Variants in GABPA observed in about 807,000 individuals in gnomAD.
The protein encoded by GABPA is GA-binding protein alpha chain.
GABPA carries 4 observed loss-of-function variants against 59.4 expected under a neutral mutation model. The observed-to-expected ratio is 0.07, with a 90% CI of 0.03 to 0.15. GABPA has a LOEUF of 0.15. Ranked by LOEUF, GABPA falls within the 10% of genes least tolerant of loss-of-function variation. GABPA has a pLI of 1.00. For synonymous variants in GABPA, 164 were observed against 183.1 expected, an observed-to-expected ratio of 0.90 and a Z score of 0.84; for missense variants, 251 against 543.8, an observed-to-expected ratio of 0.46 and a Z score of 5.36.
chr21:25,763,399 G>A (rs2035811798), intron 7 of GABPA: 1 of 209,564 alleles, frequency 4.8e-6, no homozygotes, highest in East Asian at 1.5e-4. Flanking sequence ...TTTTAATGAG[G>A]AATTTGAGAT....
intron 7 of GABPA, 35 bp downstream of exon 7, chr21:25,762,400 A>T: frequency 7.0e-7 from 1 of 1,421,504 alleles, no homozygotes; most frequent in Non-Finnish European, 9.6e-7. Context: ...CCTTTTATTA[A>T]TAAGAAATGT....
intron 5 of GABPA, among the ~76,000 whole-genome samples, chr21:25,756,248 G>T (rs1029623252): frequency 2.0e-5 from 3 of 152,078 alleles, no homozygotes; most frequent in African/African-American, 4.8e-5. Flanking sequence ...TTTAAAAGAG[G>T]TGTGTTTCAG....
rs71649677 is a variant in GABPA at position 25,745,918 on chromosome 21, T to G, written c.222+564T>G. ...TATGTTTTAAAGATAGGTAGTACTT[T>G]TATGTATGAAAGGTAGCAGCCTAAA... On this transcript the variant is annotated intron_variant, in intron 3 of 9. Transcript: ENST00000400075. 2.1e-3 allele frequency among the ~76,000 whole-genome samples: 317 copies of G among 152,364 alleles called. 6 individuals carry two copies. The East Asian group carries it at 0.052, about 25-fold the overall frequency.
At chr21:25,760,343 A>G (rs2035735060) in intron 6 of GABPA, among the ~76,000 whole-genome samples, 1 of 152,172 alleles carries the variant, frequency 6.6e-6, no homozygotes. Context: ...TGTAGAGAGA[A>G]GTCTGCAGCC....
chr21:25,771,920 A>C lies in GABPA; in HGVS notation c.*2688A>C, dbSNP rs1601165809. On this transcript the variant is annotated 3_prime_UTR_variant, in exon 10 of 10. Coordinates refer to ENST00000400075, the MANE Select transcript of GABPA (RefSeq NM_002040.4). ...GGTTGATCTTCAGATAAATTGACTG[A>C]TCACAGTTATTTTTGTATCAGTCTA... The C allele has an allele frequency of 6.6e-6, 1 of 152,182 alleles. No individual in the cohort carries two copies. The highest frequency in any genetic ancestry group is 1.9e-4 in the East Asian group (1 of 5,188). 9.4% of individuals were successfully genotyped at this position (152,182 alleles called of 1,614,324 possible).
At chr21:25,750,246 T>TA in intron 4 of GABPA, among the ~76,000 whole-genome samples, 1 of 152,174 alleles carries the variant, frequency 6.6e-6, no homozygotes, top group East Asian at 1.9e-4. Flanking sequence ...CAGGCGGTAA[T>TA]GTGAGTGAAA....
intron 3 of GABPA, among the ~76,000 whole-genome samples, chr21:25,747,804 C>T (rs931708007): frequency 6.6e-6 from 1 of 152,112 alleles, no homozygotes; most frequent in African/African-American, 2.4e-5. Flanking sequence ...CAGTGTCCAC[C>T]AGACAAGGAG....
In GABPA at chr21:25,756,104, G is replaced by A. The variant is rs551441195; in HGVS notation, c.554-1906G>A. ...TTTACTAGAGTCTTAGAGAAAGGAGGCAGAACATGGGTGGACAATTAGTTA... is the reference window on the plus strand; with the variant it reads ...TTTACTAGAGTCTTAGAGAAAGGAGACAGAACATGGGTGGACAATTAGTTA... On this transcript the variant is annotated intron_variant, in intron 5 of 9. Transcript: ENST00000400075. Among the ~76,000 whole-genome samples the A allele has an allele frequency of 1.1e-4, 16 of 152,308 alleles. No individual in the cohort carries two copies. In the East Asian group the frequency reaches 3.1e-3, roughly 29 times the overall value.
In GABPA at chr21:25,772,309, T is replaced by C. The variant is rs192499722; in HGVS notation, c.*3077T>C. The C allele has an allele frequency of 1.4e-4, 22 of 152,280 alleles. No individual in the cohort carries two copies. Among genetic ancestry groups the C allele is most frequent in the Admixed American group, 1.0e-3 (16 of 15,308 alleles). The allele number at this position is 152,280 out of a possible 1,614,324, so 9.4% of individuals were successfully genotyped here. A position where few individuals can be genotyped will look rare whatever the true frequency, so the allele number is the denominator to read the frequency against. ...CTTTAAATAACGACAACGACACTTA[T>C]ACTGTCATAATAACAATTATGTATT... On this transcript the variant is annotated 3_prime_UTR_variant, in exon 10 of 10. Coordinates refer to ENST00000400075, the MANE Select transcript of GABPA (RefSeq NM_002040.4).
chr21:25,764,526 G>T (rs2035843397), intron 8 of GABPA, 69 bp from the exon 9 acceptor site: 1 of 1,495,640 alleles, frequency 6.7e-7, no homozygotes, highest in Admixed American at 2.0e-5. Flanking sequence ...CACGGGACCA[G>T]TTTGTTGTCT....
chr21:25,764,473 C>T, intron 8 of GABPA, 122 bp from the exon 9 acceptor site: 1 of 1,428,562 alleles, frequency 7.0e-7, no homozygotes, highest in Non-Finnish European at 9.5e-7. Flanking sequence ...GACAGCATTT[C>T]TAGAAAAACA....
chr21:25,762,853 G>A, intron 7 of GABPA: 1 of 201,024 alleles, frequency 5.0e-6, no homozygotes. Flanking sequence ...GTTTTCATTT[G>A]GTGGGAGTTG....
rs1400839030 is a variant in GABPA, at chr21:25,771,650, G to A, written c.*2418G>A. 2 of 151,666 alleles carry A rather than the reference G, an allele frequency of 1.3e-5. No individual in the cohort carries two copies. Among genetic ancestry groups the A allele is most frequent in the Admixed American group, 6.6e-5 (1 of 15,232 alleles). 9.4% of individuals were successfully genotyped at this position (151,666 alleles called of 1,614,324 possible). ...TAAAATTTATGCTATTCTTTGCTTTGTTTTTATAAATGAATTTTTCATAGA... is the reference window on the plus strand; with the variant it reads ...TAAAATTTATGCTATTCTTTGCTTTATTTTTATAAATGAATTTTTCATAGA... On this transcript the variant is annotated 3_prime_UTR_variant, in exon 10 of 10. Coordinates refer to ENST00000400075, the MANE Select transcript of GABPA (RefSeq NM_002040.4).
chr21:25,749,612 A>G (rs558157735), intron 4 of GABPA, among the ~76,000 whole-genome samples: 22 of 152,176 alleles, frequency 1.4e-4, no homozygotes, highest in Non-Finnish European at 2.4e-4. Flanking sequence ...TGGGCAGATC[A>G]TTTGAGGTCA....
chr21:25,753,397 G>A (rs900444486), intron 5 of GABPA, among the ~76,000 whole-genome samples: 2 of 152,160 alleles, frequency 1.3e-5, no homozygotes, highest in African/African-American at 4.8e-5. Flanking sequence ...CTGATGGAAA[G>A]CGAGAAATGG....
intron 6 of GABPA, among the ~76,000 whole-genome samples, chr21:25,759,074 AAAAAG>A (rs1002067770): frequency 2.0e-4 from 31 of 152,050 alleles, no homozygotes; most frequent in African/African-American, 7.3e-4. Flanking sequence ...CAATTGGAAA[AAAAAG>A]AGAGAGAGAA....
At chr21:25,752,445 AAT>A in intron 5 of GABPA, 3 of 557,276 alleles carry the variant, frequency 5.4e-6, no homozygotes, top group Non-Finnish European at 9.4e-6. Flanking sequence ...AAGTCTAAAA[AAT>A]TTCTGCTCTT....
chr21:25,748,304 G>A (rs28385600), intron 3 of GABPA, among the ~76,000 whole-genome samples: 2 of 152,096 alleles, frequency 1.3e-5, no homozygotes, highest in Non-Finnish European at 2.9e-5. Context: ...TTGGGAATGC[G>A]AGTAGGACAT....
Position 25,735,017 on chromosome 21 carries a change from G to A in GABPA, c.-588G>A. The A allele has an allele frequency of 6.6e-7, 1 of 1,523,872 alleles. No homozygotes were observed. The highest frequency in any genetic ancestry group is 8.9e-7 in the Non-Finnish European group (1 of 1,127,944). 94.4% of individuals were successfully genotyped at this position (1,523,872 alleles called of 1,614,324 possible). On this transcript the variant is annotated 5_prime_UTR_variant, in exon 1 of 10. Transcript: ENST00000400075. ...ACAGGAAGCGTCTCGGAGACAGTCT[G>A]CGACCGGACGGGTCTAGGTGAGACA...
Sources: gnomAD v4.1 joint callset for allele counts (sites outside exome capture counted in the v4.1 genomes callset) on GRCh38, gnomAD v4.1.1 for gene constraint, MANE v1.5 for transcripts, NCBI Gene and HGNC (gene_info 2026-07-23, HGNC 2026-07-21) for gene names.